TCERG1L: variants seen among roughly 807,000 people sequenced by gnomAD.
TCERG1L encodes the protein transcription elongation regulator 1-like protein.
In TCERG1L, 37 loss-of-function variants were observed where a neutral mutation model predicts 56.3. The observed-to-expected ratio is 0.66, with a 90% CI of 0.51 to 0.87. The LOEUF (loss-of-function observed/expected upper bound fraction) is 0.87, where lower values mean the gene tolerates loss of function less well. Ranked by LOEUF, TCERG1L falls within the 40% of genes least tolerant of loss-of-function variation. The probability of loss-of-function intolerance (pLI) is 0.00; values close to 1 mark genes in which losing one functional copy is unlikely to be tolerated. For missense variants in TCERG1L, 799 were observed against 774.2 expected, an observed-to-expected ratio of 1.03 and a Z score of -0.38; for synonymous variants, 324 against 326.3, an observed-to-expected ratio of 0.99 and a Z score of 0.08.
Position 131,093,294 on chromosome 10 carries a change from C to G in TCERG1L, c.1629G>C (p.Glu543Asp). Residue 543 changes from glutamate to aspartate, a missense_variant, in exon 12 of 12, where the codon GAG becomes GAC. By Grantham distance (45) the Glu-to-Asp change is conservative. Transcript: ENST00000368642. ...SPRTTFKEFA[E>D]KYGRDQRFRL... ...GGAACCTCTGATCCCGGCCGTATTT[C>G]TCTGCAAACTCCTTAAACGTGGTCC... The G allele has an allele frequency of 1.9e-6, 3 of 1,613,860 alleles. No individual in the cohort carries two copies. The highest frequency in any genetic ancestry group is 2.5e-6 in the Non-Finnish European group (3 of 1,179,824).
At chr10:131,116,728 G>C in intron 9 of TCERG1L, 71 bp downstream of exon 9, 3 of 1,534,286 alleles carry the variant, frequency 2.0e-6, no homozygotes, top group Non-Finnish European at 8.7e-7. Flanking sequence ...CCCTCAGGCA[G>C]GGACGGCCAC....
chr10:131,297,125 G>A (rs1327185463), intron 3 of TCERG1L, among the ~76,000 whole-genome samples: 1 of 151,920 alleles, frequency 6.6e-6, no homozygotes, highest in Non-Finnish European at 1.5e-5. Flanking sequence ...ACAAATCCTT[G>A]CCTTGTTTTT....
At chr10:131,219,199 C>G (rs1041298733) in intron 4 of TCERG1L, among the ~76,000 whole-genome samples, 1 of 152,196 alleles carries the variant, frequency 6.6e-6, no homozygotes, top group Non-Finnish European at 1.5e-5. Flanking sequence ...GCCCTTGCCC[C>G]CAACTTCCCC....
intron 4 of TCERG1L, among the ~76,000 whole-genome samples, chr10:131,245,421 A>T (rs541837311): frequency 3.3e-4 from 45 of 137,486 alleles, no homozygotes; most frequent in East Asian, 1.9e-3. Context: ...TTTTTTTTTT[A>T]AAAAAACTGA....
intron 4 of TCERG1L, among the ~76,000 whole-genome samples, chr10:131,176,797 T>TGC (rs1846158942): frequency 9.6e-5 from 1 of 10,410 alleles, no homozygotes; most frequent in Admixed American, 1.0e-3. Flanking sequence ...GAGATACACG[T>TGC]ACATACACAG....
At chr10:131,247,952 C>T (rs372354750) in intron 4 of TCERG1L, among the ~76,000 whole-genome samples, 101 of 151,998 alleles carry the variant, frequency 6.6e-4, no homozygotes, top group African/African-American at 2.2e-3. Context: ...AACTCACATA[C>T]ACACACTAAA....
intron 4 of TCERG1L, among the ~76,000 whole-genome samples, chr10:131,171,549 C>G (rs1024291868): frequency 6.6e-6 from 1 of 152,200 alleles, no homozygotes; most frequent in Non-Finnish European, 1.5e-5. Context: ...CCAGCAAATG[C>G]TTCTTACATT....
intron 6 of TCERG1L, chr10:131,162,133 G>A (rs1845984903): frequency 6.6e-6 from 1 of 152,236 alleles, no homozygotes; most frequent in African/African-American, 2.4e-5. Context: ...CCCAGCCTGT[G>A]GGGTTTGGCT....
At chr10:131,180,968 G>A (rs1845169053) in intron 4 of TCERG1L, among the ~76,000 whole-genome samples, 1 of 152,200 alleles carries the variant, frequency 6.6e-6, no homozygotes, top group Non-Finnish European at 1.5e-5. Context: ...CGCATCCCTG[G>A]TGTCTGGGTT....
At chr10:131,233,929 G>A (rs896862762) in intron 4 of TCERG1L, among the ~76,000 whole-genome samples, 4 of 152,256 alleles carry the variant, frequency 2.6e-5, no homozygotes, top group East Asian at 1.9e-4. Flanking sequence ...TGTGGGAATC[G>A]ATTAGTTCCG....
intron 4 of TCERG1L, among the ~76,000 whole-genome samples, chr10:131,186,857 A>G (rs1343264390): frequency 1.3e-5 from 2 of 152,190 alleles, no homozygotes; most frequent in Non-Finnish European, 2.9e-5. Flanking sequence ...CTCCTCCCCA[A>G]GGAGGAAGAT....
At chr10:131,175,332 C>T (rs960248595) in intron 4 of TCERG1L, among the ~76,000 whole-genome samples, 5 of 152,198 alleles carry the variant, frequency 3.3e-5, no homozygotes, top group Non-Finnish European at 5.9e-5. Context: ...TCACCCGGTG[C>T]GGCACGCTTG....
intron 3 of TCERG1L, among the ~76,000 whole-genome samples, chr10:131,264,047 G>C (rs998742245): frequency 1.0e-4 from 1 of 9,650 alleles, no homozygotes; most frequent in Non-Finnish European, 1.9e-4. Flanking sequence ...GGGTGGGACG[G>C]AGGGAGGGCT....
chr10:131,214,879 A>G (rs1845653233), intron 4 of TCERG1L, among the ~76,000 whole-genome samples: 3 of 152,210 alleles, frequency 2.0e-5, no homozygotes, highest in African/African-American at 7.2e-5. Flanking sequence ...TTATTTAATA[A>G]GCATATTAAA....
chr10:131,169,630 G>A (rs1322005486), intron 4 of TCERG1L, among the ~76,000 whole-genome samples: 1 of 152,190 alleles, frequency 6.6e-6, no homozygotes, highest in Non-Finnish European at 1.5e-5. Context: ...GTCCCAGGGA[G>A]GAAGTCTGGA....
At position 131,220,130 on chromosome 10, in the gene TCERG1L, C is replaced by T. The variant is rs1845714398; in HGVS notation, c.856+40129G>A. Among the ~76,000 whole-genome samples, 4 of 152,318 alleles carry T rather than the reference C, an allele frequency of 2.6e-5. No homozygotes were observed. The South Asian group carries it at 6.2e-4, about 24-fold the overall frequency. ...ATGGCCTTTCAGAGCCTCCAAGCCT[C>T]GTCCATAGTGAGGCTTCTCCTGGCG... is the stretch of plus-strand genomic sequence containing the variant. On this transcript the variant is annotated intron_variant, in intron 4 of 11. Transcript: ENST00000368642.
At chr10:131,155,666 C>T (rs897472509) in intron 6 of TCERG1L, among the ~76,000 whole-genome samples, 4 of 152,168 alleles carry the variant, frequency 2.6e-5, no homozygotes, top group African/African-American at 7.2e-5. Flanking sequence ...GAACTGCCAC[C>T]GGCCCCATGC....
intron 4 of TCERG1L, among the ~76,000 whole-genome samples, chr10:131,250,110 A>C (rs1846091102): frequency 2.0e-5 from 3 of 152,166 alleles, no homozygotes; most frequent in Admixed American, 6.5e-5. Context: ...GACTCACATG[A>C]AGCTGCATGC....
chr10:131,266,075 T>C (rs1412374382), intron 3 of TCERG1L, among the ~76,000 whole-genome samples: 4 of 152,250 alleles, frequency 2.6e-5, no homozygotes, highest in African/African-American at 9.6e-5. Flanking sequence ...TGTTATTATT[T>C]CAACAATGTT....
Sources: gnomAD v4.1 joint callset for allele counts (sites outside exome capture counted in the v4.1 genomes callset) on GRCh38, gnomAD v4.1.1 for gene constraint, MANE v1.5 for transcripts, NCBI Gene and HGNC (gene_info 2026-07-23, HGNC 2026-07-21) for gene names.